NAXD: variants seen among roughly 807,000 people sequenced by gnomAD.
NAXD encodes ATP-dependent (S)-NAD(P)H-hydrate dehydratase.
NAXD carries 22 observed loss-of-function variants against 35.8 expected under a neutral mutation model. The ratio of observed to expected loss-of-function variants is 0.62; its 90% CI spans 0.44 to 0.88. NAXD has a LOEUF of 0.88. Ranked by LOEUF, NAXD falls within the 40% of genes least tolerant of loss-of-function variation. The pLI is 0.00. For synonymous variants in NAXD, 189 were observed against 177.6 expected (o/e 1.06, Z -0.51); for missense variants, 428 against 437.7 (o/e 0.98, Z 0.20).
rs330556 is a variant in NAXD, at chr13:110,628,758, A to G, written c.441+1211A>G. On this transcript the variant is annotated intron_variant, in intron 5 of 9. Coordinates refer to ENST00000680254, the MANE Select transcript of NAXD (RefSeq NM_001242882.2). The surrounding 1 kb of genome is among the most constrained non-coding windows in gnomAD (Gnocchi z 4.1). ...TGTCATCCCCGGGGAGAGGCTCTCA[A>G]TGGGGAGTCCCATCTGCAGGCTGCG... Among the ~76,000 whole-genome samples, 54,282 of 151,660 alleles carry G rather than the reference A, an allele frequency of 0.36. 10,661 individuals carry two copies. Among genetic ancestry groups the G allele is most frequent in the African/African-American group, 0.51 (21,161 of 41,310 alleles).
chr13:110,637,596 A>C (rs1361082099), intron 9 of NAXD, among the ~76,000 whole-genome samples: 1 of 152,258 alleles, frequency 6.6e-6, no homozygotes, highest in Non-Finnish European at 1.5e-5. Flanking sequence ...AGACAGGGTC[A>C]AGGCTTACTT....
At position 110,619,281 on chromosome 13, in the gene NAXD, T is replaced by C. The variant is rs150721969; in HGVS notation, c.47-2935T>C. On this transcript the variant is annotated intron_variant, in intron 1 of 9. Coordinates refer to ENST00000680254, the MANE Select transcript of NAXD (RefSeq NM_001242882.2). Reference sequence around the variant, plus strand: ...TAAGACTTAAATCTGAAATTTAAGATACAGATGTTTGTAAGATATGAATCT... The same window carrying C: ...TAAGACTTAAATCTGAAATTTAAGACACAGATGTTTGTAAGATATGAATCT... 3.7e-3 allele frequency among the ~76,000 whole-genome samples: 557 copies of C among 152,342 alleles called. 1 individual carries two copies. Among genetic ancestry groups the C allele is most frequent in the African/African-American group, 0.012 (517 of 41,576 alleles).
chr13:110,636,188 G>A (rs1886917609), intron 8 of NAXD, among the ~76,000 whole-genome samples: 2 of 152,206 alleles, frequency 1.3e-5, no homozygotes, highest in South Asian at 4.1e-4. Flanking sequence ...CCTTGTTAGC[G>A]CTGAAAATGG....
intron 8 of NAXD, 83 bp from the exon 9 acceptor site, chr13:110,637,046 G>A (rs892175537): frequency 6.8e-6 from 10 of 1,479,108 alleles, no homozygotes; most frequent in South Asian, 4.2e-5. Context: ...TCTGCCTGCC[G>A]TGCGGCCTTC....
chr13:110,624,775 A>AT (rs1886399306), intron 3 of NAXD, among the ~76,000 whole-genome samples: 1 of 152,204 alleles, frequency 6.6e-6, no homozygotes, highest in Non-Finnish European at 1.5e-5. Flanking sequence ...ATTGAAGCCC[A>AT]TTTTTAAAAC....
At chr13:110,630,615 A>G (rs919747271) in intron 5 of NAXD, among the ~76,000 whole-genome samples, 4 of 152,034 alleles carry the variant, frequency 2.6e-5, no homozygotes, top group Admixed American at 1.3e-4. Flanking sequence ...TGCCTAACCC[A>G]AGGTTTACTC....
chr13:110,635,322 C>A, intron 7 of NAXD, 146 bp from the exon 8 acceptor site: 1 of 900,152 alleles, frequency 1.1e-6, no homozygotes, highest in Non-Finnish European at 1.7e-6. Flanking sequence ...CCTGGGCATC[C>A]TCCCACCTAC....
intron 5 of NAXD, among the ~76,000 whole-genome samples, chr13:110,634,015 CTGT>C (rs1305816756): frequency 6.6e-6 from 1 of 152,226 alleles, no homozygotes; most frequent in Non-Finnish European, 1.5e-5. Context: ...AGGAGCCCAG[CTGT>C]TGTTCATAGC....
intron 1 of NAXD, among the ~76,000 whole-genome samples, chr13:110,620,453 G>T (rs971767331): frequency 6.6e-6 from 1 of 151,408 alleles, no homozygotes; most frequent in South Asian, 2.1e-4. Flanking sequence ...GGTGGCATGC[G>T]CCTGTAGTCC....
chr13:110,633,437 G>A (rs958550089), intron 5 of NAXD, among the ~76,000 whole-genome samples: 1 of 152,228 alleles, frequency 6.6e-6, no homozygotes, highest in Non-Finnish European at 1.5e-5. Context: ...GCAAGCTGAG[G>A]GAGTGGGCTC....
intron 1 of NAXD, among the ~76,000 whole-genome samples, chr13:110,618,269 G>C (rs1886132458): frequency 7.2e-6 from 1 of 139,810 alleles, no homozygotes; most frequent in African/African-American, 3.1e-5. Context: ...TTTCTGGATG[G>C]CGCTTCTTGT....
intron 5 of NAXD, among the ~76,000 whole-genome samples, chr13:110,634,105 T>C (rs1293139313): frequency 6.6e-6 from 1 of 152,240 alleles, no homozygotes; most frequent in Non-Finnish European, 1.5e-5. Flanking sequence ...ATTGGGTCTT[T>C]CTGCTTCTCT....
chr13:110,629,068 G>A (rs548998814), intron 5 of NAXD, among the ~76,000 whole-genome samples: 8 of 152,282 alleles, frequency 5.3e-5, no homozygotes, highest in South Asian at 2.1e-4. Flanking sequence ...GTCATCTAGC[G>A]TGGGCTGCCG....
chr13:110,634,396 C>T (rs775137263), intron 5 of NAXD, 149 bp from the exon 6 acceptor site: 19 of 771,118 alleles, frequency 2.5e-5, no homozygotes, highest in Non-Finnish European at 4.0e-5. Context: ...TTAAACCAAC[C>T]CATGAGGACA....
rs376395194 is a variant in NAXD at position 110,638,480 on chromosome 13, C to T, written c.942C>T (p.Asp314=). 1.2e-6 allele frequency: 2 copies of T among 1,613,090 alleles called. No individual in the cohort carries two copies. Among genetic ancestry groups the T allele is most frequent in the African/African-American group, 2.7e-5 (2 of 74,932 alleles). Residue 314 remains aspartate, a synonymous_variant, in exon 10 of 10, where the codon GAC becomes GAT. Coordinates refer to ENST00000680254, the MANE Select transcript of NAXD (RefSeq NM_001242882.2). This position sits in a 1 kb window ranked among gnomAD's most constrained non-coding sequence, Gnocchi z 5.4. ...QKHGRSTTTS[D]MIAEVGAAFS... is the part of the protein sequence containing the mutation. Reference sequence around the variant, plus strand: ...ACGGTCGCTCCACCACCACCTCCGACATGATCGCCGAGGTGGGGGCCGCCT... The same window carrying T: ...ACGGTCGCTCCACCACCACCTCCGATATGATCGCCGAGGTGGGGGCCGCCT...
chr13:110,619,363 A>G (rs911882049), intron 1 of NAXD, among the ~76,000 whole-genome samples: 5 of 152,162 alleles, frequency 3.3e-5, no homozygotes, highest in Non-Finnish European at 7.4e-5. Flanking sequence ...TGGTGGAACC[A>G]TTTTATTCCT....
chr13:110,633,691 A>G (rs1886808495), intron 5 of NAXD, among the ~76,000 whole-genome samples: 1 of 147,998 alleles, frequency 6.8e-6, no homozygotes, highest in East Asian at 2.0e-4. Context: ...ATCTTGTCAC[A>G]ATGTATTGGC....
chr13:110,621,763 T>C (rs889758891), intron 1 of NAXD, among the ~76,000 whole-genome samples: 3 of 140,388 alleles, frequency 2.1e-5, no homozygotes, highest in Non-Finnish European at 4.7e-5. Context: ...GGCATGGTGG[T>C]TCACGCCTGT....
At chr13:110,623,985 A>G (rs945494723) in intron 2 of NAXD, among the ~76,000 whole-genome samples, 1 of 150,320 alleles carries the variant, frequency 6.7e-6, no homozygotes, top group Non-Finnish European at 1.5e-5. Context: ...CTGGGCAACA[A>G]GAGTGAAACT....
Sources: allele counts gnomAD v4.1 joint callset (sites outside exome capture counted in the v4.1 genomes callset), GRCh38; gene constraint gnomAD v4.1.1; non-coding constraint Gnocchi (gnomAD v3.1); transcripts MANE v1.5; gene names NCBI Gene and HGNC (gene_info 2026-07-23, HGNC 2026-07-21).